TTC7B: variants seen among roughly 807,000 people sequenced by gnomAD.
TTC7B encodes the protein tetratricopeptide repeat protein 7B.
In TTC7B, 28 loss-of-function variants were observed where a neutral mutation model predicts 106.8. The observed-to-expected ratio is 0.26, with a 90% CI of 0.19 to 0.36. The LOEUF (loss-of-function observed/expected upper bound fraction) is 0.36. TTC7B is among the 10% of genes least tolerant of loss of function. The pLI, the probability that TTC7B is intolerant of heterozygous loss-of-function variation, is 1.00. For missense variants in TTC7B, 862 were observed against 1,076.4 expected, an observed-to-expected ratio of 0.80 and a Z score of 2.79; for synonymous variants, 405 against 430.6, an observed-to-expected ratio of 0.94 and a Z score of 0.74.
intron 1 of TTC7B, among the ~76,000 whole-genome samples, chr14:90,794,385 C>T: frequency 6.6e-6 from 1 of 151,742 alleles, no homozygotes; most frequent in East Asian, 1.9e-4. Flanking sequence ...TGCCACCACA[C>T]CCGGCTAATT....
rs1049982359 is a variant in TTC7B, at chr14:90,653,018, C to G, written c.1460-120G>C. 80 of 1,028,758 alleles carry G rather than the reference C, an allele frequency of 7.8e-5. No individual in the cohort carries two copies. The African/African-American group carries it at 9.9e-4, about 13-fold the overall frequency. 63.7% of individuals were successfully genotyped at this position (1,028,758 alleles called of 1,614,324 possible). A position where few individuals can be genotyped will look rare whatever the true frequency, so the allele number is the denominator to read the frequency against. On this transcript the variant is annotated intron_variant, in intron 12 of 19. Transcript: ENST00000328459. ...AAAAGCAACAATGTCTGAGTGCCTA[C>G]GTGCCCAGTCCTGCACCAGGCCCTG...
intron 1 of TTC7B, 31 bp downstream of exon 1, chr14:90,816,144 C>G: frequency 4.4e-6 from 5 of 1,145,296 alleles, no homozygotes; most frequent in Non-Finnish European, 5.5e-6. Context: ...CGGCGCCCCC[C>G]GCAGCCCAGG....
intron 5 of TTC7B, among the ~76,000 whole-genome samples, chr14:90,723,311 C>A (rs951807950): frequency 6.6e-5 from 10 of 152,168 alleles, no homozygotes; most frequent in Admixed American, 3.9e-4. Context: ...GGTCTCTATA[C>A]CCTTTGTTAT....
At chr14:90,788,740 A>C (rs1043536944) in intron 1 of TTC7B, among the ~76,000 whole-genome samples, 2 of 151,780 alleles carry the variant, frequency 1.3e-5, no homozygotes, top group South Asian at 4.2e-4. Flanking sequence ...CAAGGTGGGC[A>C]GATCACGAGG....
At chr14:90,687,814 GC>G (rs1237037170) in intron 7 of TTC7B, among the ~76,000 whole-genome samples, 1 of 152,164 alleles carries the variant, frequency 6.6e-6, no homozygotes, top group African/African-American at 2.4e-5. Context: ...ATTACGATAA[GC>G]CGAGGGAAAA....
At chr14:90,684,568 G>A (rs1004919111) in intron 7 of TTC7B, among the ~76,000 whole-genome samples, 2 of 152,132 alleles carry the variant, frequency 1.3e-5, no homozygotes, top group African/African-American at 4.8e-5. Context: ...ACTGCTACAT[G>A]AAGAAATATG....
At chr14:90,678,629 A>G (rs1886931469) in intron 8 of TTC7B, among the ~76,000 whole-genome samples, 1 of 152,178 alleles carries the variant, frequency 6.6e-6, no homozygotes, top group African/African-American at 2.4e-5. Context: ...GGATTTCAAC[A>G]TCCCCTGAAG....
rs931624569 is a variant in TTC7B, at chr14:90,807,751, T to C, written c.121+8424A>G. Among the ~76,000 whole-genome samples the C allele has an allele frequency of 5.9e-5, 9 of 152,226 alleles. No individual in the cohort carries two copies. The highest frequency in any genetic ancestry group is 1.3e-4 in the Non-Finnish European group (9 of 68,036). ...CAGCTTCTACCTTGGGCCGAGAGAA[T>C]CACCACCCTCAGCCAAGATGTCTGG... On this transcript the variant is annotated intron_variant, in intron 1 of 19. Coordinates refer to ENST00000328459, the MANE Select transcript of TTC7B (RefSeq NM_001010854.2). The surrounding 1 kb of genome is among the most constrained non-coding windows in gnomAD (Gnocchi z 4.1).
chr14:90,720,710 T>C (rs1888861530), intron 5 of TTC7B, among the ~76,000 whole-genome samples: 2 of 152,210 alleles, frequency 1.3e-5, no homozygotes. Flanking sequence ...CTCTGACTTT[T>C]AGACACGAAA....
intron 19 of TTC7B, among the ~76,000 whole-genome samples, chr14:90,568,805 T>A (rs1214077633): frequency 2.0e-5 from 3 of 152,230 alleles, no homozygotes; most frequent in Non-Finnish European, 4.4e-5. Context: ...AGGAGTCATG[T>A]GGATGGACGG....
chr14:90,569,414 G>A (rs2139793553), intron 19 of TTC7B, among the ~76,000 whole-genome samples: 1 of 152,306 alleles, frequency 6.6e-6, no homozygotes, highest in African/African-American at 2.4e-5. Context: ...TGTCCCAACA[G>A]ACGACTGGGG....
chr14:90,610,737 C>T lies in TTC7B; in HGVS notation c.1966+5G>A. The T allele has an allele frequency of 6.2e-7, 1 of 1,608,198 alleles. No homozygotes were observed. The highest frequency in any genetic ancestry group is 8.5e-7 in the Non-Finnish European group (1 of 1,174,832). The stretch of plus-strand genomic sequence containing the variant: ...ATTTCGTCCCCTCTGGCTTTTTATT[C>T]TCACCTGTCTCGGGATCGCTGAAGT... On this transcript the variant is annotated splice_donor_5th_base_variant and intron_variant, in intron 17 of 19. Transcript: ENST00000328459.
At chr14:90,632,405 G>A (rs765571632) in intron 15 of TTC7B, among the ~76,000 whole-genome samples, 6 of 152,252 alleles carry the variant, frequency 3.9e-5, no homozygotes, top group Middle Eastern at 3.4e-3. Context: ...GTGTGTGTGT[G>A]CCCGAGTGAA....
Position 90,539,582 on chromosome 14 carries a change from C to G in TTC7B, c.*1786G>C, listed in dbSNP as rs1012773155. ...CTCCCTCCTTGGCTGCCCCCTAGCC[C>G]GCCTGCCTCAGTGAGCCAGAGAGGT... On this transcript the variant is annotated 3_prime_UTR_variant, in exon 20 of 20. Coordinates refer to ENST00000328459, the MANE Select transcript of TTC7B (RefSeq NM_001010854.2). 1.2e-4 allele frequency: 19 copies of G among 152,460 alleles called. No homozygotes were observed. The highest frequency in any genetic ancestry group is 1.5e-5 in the Non-Finnish European group (1 of 68,236). 9.4% of individuals were successfully genotyped at this position (152,460 alleles called of 1,614,324 possible).
At chr14:90,816,065 GGCCCGGCCGCGCCCCTGCCCGCGCCCCGC>G (rs1338013570) in intron 1 of TTC7B, 81 bp downstream of exon 1, 17 of 975,712 alleles carry the variant, frequency 1.7e-5, no homozygotes, top group Middle Eastern at 5.2e-4. Context: ...GCTCCCTCGC[GGCCCGGCCGCGCCCCTGCCCGCGCCCCGC>G]GCCCGGCCGC....
intron 9 of TTC7B, among the ~76,000 whole-genome samples, chr14:90,662,339 T>C (rs377619058): frequency 5.1e-4 from 77 of 152,364 alleles, no homozygotes; most frequent in Non-Finnish European, 8.1e-4. Flanking sequence ...TCCCTGAATC[T>C]GTTCCAGTCT....
intron 18 of TTC7B, among the ~76,000 whole-genome samples, chr14:90,592,503 GT>G (rs916624036): frequency 6.6e-6 from 1 of 152,192 alleles, no homozygotes; most frequent in African/African-American, 2.4e-5. Flanking sequence ...GAGGTCAGGA[GT>G]TCGAGACCAG....
At chr14:90,814,444 G>C (rs887673318) in intron 1 of TTC7B, among the ~76,000 whole-genome samples, 5 of 152,222 alleles carry the variant, frequency 3.3e-5, no homozygotes, top group Non-Finnish European at 5.9e-5. Flanking sequence ...CCTCCTGAGA[G>C]CAGGGTGAGG....
chr14:90,599,752 T>C (rs1406496039), intron 17 of TTC7B, among the ~76,000 whole-genome samples: 1 of 152,258 alleles, frequency 6.6e-6, no homozygotes, highest in African/African-American at 2.4e-5. Flanking sequence ...AATGAATTTC[T>C]GCTGTACCTG....
Sources: allele counts gnomAD v4.1 joint callset (sites outside exome capture counted in the v4.1 genomes callset), GRCh38; gene constraint gnomAD v4.1.1; non-coding constraint Gnocchi (gnomAD v3.1); transcripts MANE v1.5; gene names NCBI Gene and HGNC (gene_info 2026-07-23, HGNC 2026-07-21).